Variants in SCLT1 observed in about 807,000 individuals in gnomAD.
The protein encoded by SCLT1 is sodium channel and clathrin linker 1.
A neutral mutation model predicts 112.8 loss-of-function variants in SCLT1; 78 were observed. The observed-to-expected ratio is 0.69, with a 90% CI of 0.58 to 0.83. The LOEUF (loss-of-function observed/expected upper bound fraction) is 0.83, where lower values mean the gene tolerates loss of function less well. SCLT1 is among the 40% of genes least tolerant of loss of function. The pLI, the probability that SCLT1 is intolerant of heterozygous loss-of-function variation, is 0.00. For missense variants in SCLT1, 747 were observed against 770.4 expected (o/e 0.97, Z 0.36); for synonymous variants, 257 against 254.7 (o/e 1.01, Z -0.09).
chr4:129,005,479 C>G (rs926729381), intron 5 of SCLT1, among the ~76,000 whole-genome samples: 4 of 152,086 alleles, frequency 2.6e-5, no homozygotes, highest in African/African-American at 9.7e-5. Flanking sequence ...TCATCTCACA[C>G]CAGTTAGAAT....
At chr4:129,013,729 G>T (rs1211244970) in intron 5 of SCLT1, among the ~76,000 whole-genome samples, 1 of 152,008 alleles carries the variant, frequency 6.6e-6, no homozygotes, top group Admixed American at 6.6e-5. Flanking sequence ...TCTCTAAGAT[G>T]TCTTTAAAAT....
At chr4:129,025,628 G>A (rs1206028203) in intron 5 of SCLT1, among the ~76,000 whole-genome samples, 10 of 152,158 alleles carry the variant, frequency 6.6e-5, no homozygotes, top group Non-Finnish European at 8.8e-5. Context: ...AGGCTAGGAA[G>A]AAACTGCATA....
At chr4:129,048,012 GC>G (rs1327193329) in intron 2 of SCLT1, among the ~76,000 whole-genome samples, 4 of 151,990 alleles carry the variant, frequency 2.6e-5, no homozygotes, top group Non-Finnish European at 5.9e-5. Context: ...GTCTATATTT[GC>G]CTTTCTTGCT....
At chr4:128,883,366 C>A (rs970868305), downstream of SCLT1, among the ~76,000 whole-genome samples, 1 of 151,808 alleles carries the variant, frequency 6.6e-6, no homozygotes, top group Non-Finnish European at 1.5e-5. Context: ...CAATTCTCAG[C>A]TCCACGCAGA....
chr4:129,022,973 C>T (rs1236215664), intron 5 of SCLT1, among the ~76,000 whole-genome samples: 1 of 152,172 alleles, frequency 6.6e-6, no homozygotes, highest in East Asian at 1.9e-4. Flanking sequence ...CAGGCCAGAA[C>T]AGACTGGGGG....
chr4:128,978,090 A>G (rs1013551391), intron 9 of SCLT1, among the ~76,000 whole-genome samples: 7 of 152,198 alleles, frequency 4.6e-5, no homozygotes, highest in African/African-American at 1.7e-4. Context: ...GGCATTAGCT[A>G]GTAAGATAGA....
intron 5 of SCLT1, among the ~76,000 whole-genome samples, chr4:129,005,008 A>T (rs1430103575): frequency 6.6e-6 from 1 of 151,874 alleles, no homozygotes; most frequent in South Asian, 2.1e-4. Context: ...TAGAAATATA[A>T]CAAGTTTTAG....
chr4:128,963,576 C>T (rs1739922309), intron 11 of SCLT1, among the ~76,000 whole-genome samples: 2 of 152,196 alleles, frequency 1.3e-5, no homozygotes, highest in Non-Finnish European at 2.9e-5. Context: ...GGGCATATCT[C>T]AACTATCTCT....
intron 18 of SCLT1, among the ~76,000 whole-genome samples, chr4:128,910,849 C>CT (rs1735039919): frequency 6.6e-6 from 1 of 150,620 alleles, no homozygotes; most frequent in African/African-American, 2.4e-5. Context: ...ATTTTTTTTT[C>CT]TTTTTCTGCA....
At chr4:128,921,261 A>C (rs1240530921) in intron 18 of SCLT1, among the ~76,000 whole-genome samples, 1 of 152,246 alleles carries the variant, frequency 6.6e-6, no homozygotes, top group Non-Finnish European at 1.5e-5. Flanking sequence ...TATTCCTATC[A>C]AACTACCAAT....
rs1753010193 is a variant in SCLT1, at chr4:129,093,176, G to C, written c.-73C>G. 1.4e-6 allele frequency: 2 copies of C among 1,456,166 alleles called. No homozygotes were observed. Among genetic ancestry groups the C allele is most frequent in the African/African-American group, 2.8e-5 (2 of 71,684 alleles). The allele number at this position is 1,456,166 out of a possible 1,614,324, so 90.2% of individuals were successfully genotyped here. On this transcript the variant is annotated 5_prime_UTR_variant, in exon 1 of 21. Coordinates refer to ENST00000281142, the MANE Select transcript of SCLT1 (RefSeq NM_144643.4). ...GAAAGACAGAGAGCTTGCTGTGCGG[G>C]AAAACAAAACTAAGCCAACGCTCGG...
chr4:128,968,556 G>A lies in SCLT1; in HGVS notation c.777+1822C>T, dbSNP rs565330593. Among the ~76,000 whole-genome samples the A allele has an allele frequency of 9.0e-4, 137 of 152,112 alleles. 2 individuals carry two copies. Among genetic ancestry groups the A allele is most frequent in the African/African-American group, 3.2e-3 (132 of 41,512 alleles). Reference sequence around the variant, plus strand: ...CTCTGTCTGCTAAATCTAACAGATCGATCCATTTAAAGTCAGTTTCTAATG... The same window carrying A: ...CTCTGTCTGCTAAATCTAACAGATCAATCCATTTAAAGTCAGTTTCTAATG... On this transcript the variant is annotated intron_variant, in intron 10 of 20. Coordinates refer to ENST00000281142, the MANE Select transcript of SCLT1 (RefSeq NM_144643.4).
chr4:128,965,368 T>G, intron 10 of SCLT1, 50 bp from the exon 11 acceptor site: 1 of 1,062,246 alleles, frequency 9.4e-7, no homozygotes, highest in Non-Finnish European at 1.5e-6. Flanking sequence ...GAAAATTCAA[T>G]ACACCATTAT....
At chr4:129,009,325 C>A (rs1190373573) in intron 5 of SCLT1, among the ~76,000 whole-genome samples, 1 of 152,026 alleles carries the variant, frequency 6.6e-6, no homozygotes, top group African/African-American at 2.4e-5. Context: ...TCCTGGCTAA[C>A]ATGGTGAAAT....
At chr4:128,969,207 A>T (rs1740463676) in intron 10 of SCLT1, among the ~76,000 whole-genome samples, 1 of 152,142 alleles carries the variant, frequency 6.6e-6, no homozygotes, top group Non-Finnish European at 1.5e-5. Flanking sequence ...GAATTTGGTA[A>T]GAATTTACAC....
At chr4:129,004,571 GA>G (rs988504960) in intron 5 of SCLT1, among the ~76,000 whole-genome samples, 3 of 151,784 alleles carry the variant, frequency 2.0e-5, no homozygotes, top group African/African-American at 4.8e-5. Context: ...ATACTTAAGA[GA>G]AAAAAAGTAC....
intron 9 of SCLT1, among the ~76,000 whole-genome samples, chr4:128,990,385 C>T (rs1579615907): frequency 6.6e-6 from 1 of 151,884 alleles, no homozygotes; most frequent in East Asian, 1.9e-4. Flanking sequence ...TGATAAAATT[C>T]AACATCTCTT....
chr4:128,912,691 TC>T (rs1735193625), intron 18 of SCLT1, among the ~76,000 whole-genome samples: 1 of 151,978 alleles, frequency 6.6e-6, no homozygotes, highest in Non-Finnish European at 1.5e-5. Flanking sequence ...TTCCTCCTCC[TC>T]CTTCCCCTCC....
intron 6 of SCLT1, among the ~76,000 whole-genome samples, chr4:129,000,741 T>A (rs1017351305): frequency 1.3e-5 from 2 of 151,878 alleles, no homozygotes; most frequent in African/African-American, 4.8e-5. Context: ...TACACTGAGG[T>A]ATACCATGCA....
Sources: allele counts gnomAD v4.1 joint callset (sites outside exome capture counted in the v4.1 genomes callset), GRCh38; gene constraint gnomAD v4.1.1; transcripts MANE v1.5; gene names NCBI Gene and HGNC (gene_info 2026-07-23, HGNC 2026-07-21).